The following ARPP21 variants were observed in gnomAD, a reference collection of about 807,000 sequenced individuals.
ARPP21 encodes the protein cAMP-regulated phosphoprotein 21.
ARPP21 carries 69 observed loss-of-function variants against 113.2 expected under a neutral mutation model. The observed-to-expected ratio is 0.61, with a 90% CI of 0.50 to 0.74. The LOEUF (loss-of-function observed/expected upper bound fraction) is 0.74, where lower values mean the gene tolerates loss of function less well. Ranked by LOEUF, ARPP21 falls within the 30% of genes least tolerant of loss-of-function variation. ARPP21 has a pLI of 0.00. For missense variants in ARPP21, 1,070 were observed against 1,037.4 expected (o/e 1.03, Z -0.43); for synonymous variants, 368 against 375.5 (o/e 0.98, Z 0.23).
At chr3:35,782,027 T>C (rs1379201698) in intron 19 of ARPP21, among the ~76,000 whole-genome samples, 1 of 152,182 alleles carries the variant, frequency 6.6e-6, no homozygotes, top group Non-Finnish European at 1.5e-5. Context: ...CATTCTGAAA[T>C]TTAAATCTAA....
intron 5 of ARPP21, chr3:35,686,033 C>T (rs1288370833): frequency 1.9e-5 from 3 of 154,914 alleles, no homozygotes; most frequent in African/African-American, 7.2e-5. Flanking sequence ...TCTGCTCATG[C>T]ATTTATAATA....
intron 19 of ARPP21, among the ~76,000 whole-genome samples, chr3:35,764,048 T>C (rs1177508794): frequency 6.6e-6 from 1 of 151,856 alleles, no homozygotes; most frequent in Non-Finnish European, 1.5e-5. Context: ...TCAGAGAGGA[T>C]TGAATTGCTA....
At chr3:35,711,204 A>G (rs536933098) in intron 11 of ARPP21, among the ~76,000 whole-genome samples, 2 of 152,182 alleles carry the variant, frequency 1.3e-5, no homozygotes, top group Admixed American at 1.3e-4. Flanking sequence ...TTTTAACTTG[A>G]TATCCTAGGG....
intron 1 of ARPP21, among the ~76,000 whole-genome samples, chr3:35,658,693 A>G (rs189630347): frequency 3.2e-4 from 48 of 152,280 alleles, no homozygotes; most frequent in African/African-American, 1.1e-3. Flanking sequence ...ATACATGTCT[A>G]TAAAATGAAG....
At chr3:35,755,239 C>A (rs2095531883) in intron 19 of ARPP21, among the ~76,000 whole-genome samples, 1 of 151,888 alleles carries the variant, frequency 6.6e-6, no homozygotes, top group African/African-American at 2.4e-5. Flanking sequence ...ATGAACTACC[C>A]TGTTTTTCAG....
chr3:35,742,508 T>C (rs1160033128), intron 18 of ARPP21, among the ~76,000 whole-genome samples: 4 of 152,234 alleles, frequency 2.6e-5, no homozygotes, highest in Non-Finnish European at 4.4e-5. Context: ...TGACCCAAGA[T>C]TGCTTTAGAC....
intron 3 of ARPP21, among the ~76,000 whole-genome samples, chr3:35,682,096 A>T (rs1429148899): frequency 1.3e-5 from 2 of 151,828 alleles, no homozygotes; most frequent in African/African-American, 4.8e-5. Context: ...ATAGGAAAGT[A>T]TTTATTTTCT....
At position 35,738,210 on chromosome 3, in the gene ARPP21, C is replaced by G. The variant is rs2094470989; in HGVS notation, c.1645-4C>G. ...TCAGCTGATCAATTTTTTCTTTCCT[C>G]CAGTCTGTCCAGGGGCTGCAGGCTT... On this transcript the variant is annotated splice_region_variant and splice_polypyrimidine_tract_variant and intron_variant, in intron 16 of 20. Transcript: ENST00000684406. 2.0e-6 allele frequency: 3 copies of G among 1,527,548 alleles called. No homozygotes were observed. Among genetic ancestry groups the G allele is most frequent in the Admixed American group, 3.9e-5 (2 of 50,914 alleles). 94.6% of individuals were successfully genotyped at this position (1,527,548 alleles called of 1,614,324 possible).
At chr3:35,705,941 T>C (rs1268296772) in intron 9 of ARPP21, among the ~76,000 whole-genome samples, 3 of 152,230 alleles carry the variant, frequency 2.0e-5, no homozygotes, top group Admixed American at 2.0e-4. Flanking sequence ...TTCAAAGTGC[T>C]ATTTGCTTAT....
At chr3:35,731,743 A>G (rs1464242287) in intron 15 of ARPP21, among the ~76,000 whole-genome samples, 2 of 151,850 alleles carry the variant, frequency 1.3e-5, no homozygotes, top group East Asian at 3.8e-4. Context: ...TCTGGGCTGG[A>G]ACTCATCTTT....
At chr3:35,744,385 A>G (rs1340721161) in intron 19 of ARPP21, 4 of 443,920 alleles carry the variant, frequency 9.0e-6, no homozygotes, top group Non-Finnish European at 1.8e-5. Context: ...GAAGAAGGCT[A>G]TTGACAATCC....
At chr3:35,729,664 A>C (rs986292650) in intron 15 of ARPP21, 128 bp downstream of exon 15, 4 of 754,858 alleles carry the variant, frequency 5.3e-6, no homozygotes, top group Admixed American at 2.6e-5. Context: ...ATGAACTGTT[A>C]TGAAGCATTT....
intron 13 of ARPP21, among the ~76,000 whole-genome samples, chr3:35,719,859 C>A (rs1160708321): frequency 6.6e-5 from 10 of 152,126 alleles, no homozygotes; most frequent in Non-Finnish European, 7.3e-5. Context: ...AATGATTTTG[C>A]TAGACTTTGT....
intron 19 of ARPP21, among the ~76,000 whole-genome samples, chr3:35,778,809 C>T (rs985788078): frequency 6.6e-6 from 1 of 152,094 alleles, no homozygotes; most frequent in East Asian, 1.9e-4. Flanking sequence ...AATAATGATA[C>T]CCACTTCACA....
At chr3:35,756,747 C>T (rs546916246) in intron 19 of ARPP21, among the ~76,000 whole-genome samples, 1 of 152,164 alleles carries the variant, frequency 6.6e-6, no homozygotes, top group Non-Finnish European at 1.5e-5. Context: ...AGCACAATTG[C>T]ACCCTTTATA....
intron 6 of ARPP21, 79 bp from the exon 7 acceptor site, chr3:35,689,228 C>A: frequency 1.3e-6 from 1 of 760,842 alleles, no homozygotes; most frequent in Admixed American, 1.9e-5. Context: ...CAGGGGGAAA[C>A]AGGATAGGTT....
At chr3:35,687,514 C>T (rs1246503021) in intron 5 of ARPP21, among the ~76,000 whole-genome samples, 3 of 151,106 alleles carry the variant, frequency 2.0e-5, no homozygotes, top group Admixed American at 1.3e-4. Flanking sequence ...ATTCATAAGG[C>T]AAAGTTTTAG....
chr3:35,694,792 G>C (rs1324342129), intron 9 of ARPP21, among the ~76,000 whole-genome samples: 1 of 150,680 alleles, frequency 6.6e-6, no homozygotes, highest in Non-Finnish European at 1.5e-5. Context: ...TAACTCAATG[G>C]TATCATTAAG....
intron 19 of ARPP21, among the ~76,000 whole-genome samples, chr3:35,791,494 AC>A (rs1261189187): frequency 1.8e-4 from 28 of 152,228 alleles, no homozygotes; most frequent in Admixed American, 1.6e-3. Context: ...CTAAATCATA[AC>A]TTTCTTCCCA....
Sources: gnomAD v4.1 joint callset for allele counts (sites outside exome capture counted in the v4.1 genomes callset) on GRCh38, gnomAD v4.1.1 for gene constraint, MANE v1.5 for transcripts, NCBI Gene and HGNC (gene_info 2026-07-23, HGNC 2026-07-21) for gene names.